The following TNKS variants were observed in gnomAD, a reference collection of about 807,000 sequenced individuals.
The protein encoded by TNKS is poly [ADP-ribose] polymerase tankyrase-1.
TNKS carries 72 observed loss-of-function variants against 135.8 expected under a neutral mutation model. The ratio of observed to expected loss-of-function variants is 0.53; its 90% CI spans 0.44 to 0.64. The LOEUF (loss-of-function observed/expected upper bound fraction) is 0.64. Among genes scored for constraint, TNKS ranks in the 30% least tolerant of loss-of-function variants. The pLI is 0.00. For synonymous variants in TNKS, 849 were observed against 649.3 expected (o/e 1.31, Z -4.68); for missense variants, 1,769 against 1,674.0 (o/e 1.06, Z -0.99).
Position 9,679,952 on chromosome 8 carries a change from T to A in TNKS, c.996T>A (p.Gly332=). ...ADPSAKAVLT[G]EYKKDELLEA... ...GCATGATATTTTGCAATCATCTAGG[T>A]GAATACAAGAAAGACGAACTCCTAG... The change falls in exon 4 of 27, where the codon GGT becomes GGA. Residue 332 remains glycine, a splice_region_variant and synonymous_variant. Transcript: ENST00000310430. The A allele has an allele frequency of 6.2e-7, 1 of 1,612,734 alleles. No homozygotes were observed. The highest frequency in any genetic ancestry group is 1.7e-5 in the Admixed American group (1 of 59,994).
chr8:9,762,602 G>C (rs1468205982), intron 21 of TNKS, among the ~76,000 whole-genome samples: 1 of 152,110 alleles, frequency 6.6e-6, no homozygotes, highest in African/African-American at 2.4e-5. Context: ...AAGAAGCTCT[G>C]TAACAACAGA....
In TNKS at chr8:9,594,565, C is replaced by T. The variant is rs117524715; in HGVS notation, c.898+14182C>T. Among the ~76,000 whole-genome samples, 184 of 152,198 alleles carry T rather than the reference C, an allele frequency of 1.2e-3. 6 individuals carry two copies. The East Asian group carries it at 0.022, about 18-fold the overall frequency. ...GAACCTGTGTATACAATCCATTTTA[C>T]GTAAAATGAGATCATTCCACCATAT... On this transcript the variant is annotated intron_variant, in intron 2 of 26. Coordinates refer to ENST00000310430, the MANE Select transcript of TNKS (RefSeq NM_003747.3).
rs181468427 is a variant in TNKS, at chr8:9,579,579, G to A, written c.674-580G>A. On this transcript the variant is annotated intron_variant, in intron 1 of 26. Transcript: ENST00000310430. Reference sequence around the variant, plus strand: ...TGCCTCCCAGGTTCAAGCGATTCTCGTGCCTCAGCCTCCCAAGTAGGTGGG... The same window carrying A: ...TGCCTCCCAGGTTCAAGCGATTCTCATGCCTCAGCCTCCCAAGTAGGTGGG... 5.9e-5 allele frequency among the ~76,000 whole-genome samples: 9 copies of A among 152,106 alleles called. No homozygotes were observed. The East Asian group carries it at 1.5e-3, about 26-fold the overall frequency.
intron 2 of TNKS, among the ~76,000 whole-genome samples, chr8:9,595,867 C>T (rs1268876899): frequency 6.6e-6 from 1 of 152,120 alleles, no homozygotes; most frequent in Non-Finnish European, 1.5e-5. Context: ...AATCTTGGCA[C>T]TTTGGGAGGC....
intron 17 of TNKS, among the ~76,000 whole-genome samples, chr8:9,745,235 G>C (rs1806176453): frequency 6.6e-6 from 1 of 152,106 alleles, no homozygotes; most frequent in Non-Finnish European, 1.5e-5. Context: ...ATAATACCAC[G>C]AGTGGTACCT....
At chr8:9,578,752 G>C (rs1798052009) in intron 1 of TNKS, among the ~76,000 whole-genome samples, 1 of 152,000 alleles carries the variant, frequency 6.6e-6, no homozygotes, top group South Asian at 2.1e-4. Context: ...ATGCCATTTT[G>C]TAACAGTATT....
At position 9,748,015 on chromosome 8, in the gene TNKS, T is replaced by G. The variant is rs1248702870; in HGVS notation, c.2644-9T>G. 1.0e-5 allele frequency: 16 copies of G among 1,602,904 alleles called. No individual in the cohort carries two copies. Among genetic ancestry groups the G allele is most frequent in the Non-Finnish European group, 1.3e-5 (15 of 1,174,018 alleles). ...TCTTAACTCTTTGTATCCTTTTCTT[T>G]TTTTTCAGCATGTTGACATAGCGGC... On this transcript the variant is annotated splice_polypyrimidine_tract_variant and intron_variant, in intron 17 of 26. Transcript: ENST00000310430.
At chr8:9,663,785 G>C (rs1394942326) in intron 3 of TNKS, among the ~76,000 whole-genome samples, 1 of 152,180 alleles carries the variant, frequency 6.6e-6, no homozygotes, top group Non-Finnish European at 1.5e-5. Flanking sequence ...GGCCAGATGA[G>C]GAGGTACATA....
chr8:9,556,773 T>G, intron 1 of TNKS, 161 bp downstream of exon 1: 6 of 498,430 alleles, frequency 1.2e-5, no homozygotes, highest in East Asian at 4.1e-5. Context: ...TGGTGGTGCC[T>G]GGGTGATGGG....
chr8:9,646,503 A>C (rs1169549007), intron 3 of TNKS, among the ~76,000 whole-genome samples: 1 of 152,092 alleles, frequency 6.6e-6, no homozygotes, highest in Non-Finnish European at 1.5e-5. Context: ...TTATACAGAG[A>C]AGTTTCTAAT....
chr8:9,642,694 G>T lies in TNKS; in HGVS notation c.994+27017G>T. Among the ~76,000 whole-genome samples the T allele has an allele frequency of 1.4e-5, 2 of 145,814 alleles. 1 individual carries two copies. The highest frequency in any genetic ancestry group is 3.0e-5 in the Non-Finnish European group (2 of 66,578). On this transcript the variant is annotated intron_variant, in intron 3 of 26. Transcript: ENST00000310430. ...TTTTTTTAGCCCTAAATTCTCATCA[G>T]ATCTTTGCTGTAGATACTTTAATTC...
At chr8:9,584,618 G>C (rs1018583881) in intron 2 of TNKS, among the ~76,000 whole-genome samples, 2 of 152,186 alleles carry the variant, frequency 1.3e-5, no homozygotes, top group African/African-American at 4.8e-5. Context: ...TTGCAAATTA[G>C]TATAATTGAT....
chr8:9,679,810 A>T (rs1218322699), intron 3 of TNKS, 141 bp from the exon 4 acceptor site: 1 of 603,088 alleles, frequency 1.7e-6, no homozygotes. Flanking sequence ...CAAGCTGGCT[A>T]ACGTCACGGC....
chr8:9,669,418 C>T (rs570416743), intron 3 of TNKS, among the ~76,000 whole-genome samples: 40 of 97,786 alleles, frequency 4.1e-4, no homozygotes, highest in African/African-American at 1.5e-3. Context: ...GAGCGAGACT[C>T]CGCCTCAAAA....
At chr8:9,745,464 G>T (rs1159922821) in intron 17 of TNKS, among the ~76,000 whole-genome samples, 2 of 152,046 alleles carry the variant, frequency 1.3e-5, no homozygotes, top group Admixed American at 6.5e-5. Flanking sequence ...GAAAGCAGTG[G>T]TGCAATCTTG....
chr8:9,658,424 GGGC>G, intron 3 of TNKS: 245 of 1,234,292 alleles, frequency 2.0e-4, no homozygotes, highest in Middle Eastern at 2.8e-4. Context: ...CCCGGCGGTC[GGGC>G]GGCGGCGGCT....
At chr8:9,668,932 G>T (rs1488053140) in intron 3 of TNKS, among the ~76,000 whole-genome samples, 2 of 152,008 alleles carry the variant, frequency 1.3e-5, no homozygotes, top group Non-Finnish European at 2.9e-5. Context: ...CAGGTATGGG[G>T]ACTCATACAT....
intron 2 of TNKS, among the ~76,000 whole-genome samples, chr8:9,611,737 A>G (rs1799472305): frequency 6.6e-6 from 1 of 152,218 alleles, no homozygotes; most frequent in Non-Finnish European, 1.5e-5. Context: ...CATAGAGAAC[A>G]GTGTGAAGGA....
At chr8:9,634,837 C>T (rs779550570) in intron 3 of TNKS, among the ~76,000 whole-genome samples, 42 of 152,052 alleles carry the variant, frequency 2.8e-4, no homozygotes, top group Non-Finnish European at 5.3e-4. Flanking sequence ...AAAGCTAGGT[C>T]GGGGAAGGTG....
Sources: gnomAD v4.1 joint callset for allele counts (sites outside exome capture counted in the v4.1 genomes callset) on GRCh38, gnomAD v4.1.1 for gene constraint, MANE v1.5 for transcripts, NCBI Gene and HGNC (gene_info 2026-07-23, HGNC 2026-07-21) for gene names.